The following SGCE variants were observed in gnomAD, a reference collection of about 807,000 sequenced individuals.
SGCE encodes sarcoglycan epsilon, also known as epsilon-sarcoglycan.
In SGCE, 26 loss-of-function variants were observed where a neutral mutation model predicts 57.8. That is an observed-to-expected ratio of 0.45 (90% CI 0.33 to 0.62). SGCE has a LOEUF of 0.62. Among genes scored for constraint, SGCE ranks in the 20% least tolerant of loss-of-function variants. The probability of loss-of-function intolerance (pLI) is 0.02; values close to 1 mark genes in which losing one functional copy is unlikely to be tolerated. For synonymous variants in SGCE, 183 were observed against 189.5 expected (o/e 0.97, Z 0.28); for missense variants, 468 against 548.6 (o/e 0.85, Z 1.47).
chr7:94,628,104 C>T, intron 3 of SGCE, 98 bp downstream of exon 3: 1 of 901,442 alleles, frequency 1.1e-6, no homozygotes, highest in Non-Finnish European at 1.8e-6. Context: ...CATCAGGTAA[C>T]TTTAGTTTCA....
At chr7:94,645,296 T>G (rs12704731) in intron 1 of SGCE, among the ~76,000 whole-genome samples, 19,462 of 152,202 alleles carry the variant, frequency 0.13, 1,502 homozygotes, top group South Asian at 0.25. Flanking sequence ...TTTTCATATA[T>G]AAAGCCAAAG....
chr7:94,628,166 A>G, intron 3 of SGCE, 36 bp downstream of exon 3: 1 of 1,531,642 alleles, frequency 6.5e-7, no homozygotes, highest in Non-Finnish European at 9.0e-7. Flanking sequence ...ACACACACAT[A>G]TATGTATAGT....
chr7:94,614,827 A>G (rs1801632639), intron 5 of SGCE, among the ~76,000 whole-genome samples: 1 of 152,158 alleles, frequency 6.6e-6, no homozygotes, highest in Admixed American at 6.5e-5. Flanking sequence ...AGACTAATAA[A>G]ATATTCTCCC....
At chr7:94,606,961 AG>A (rs886257390) in intron 5 of SGCE, among the ~76,000 whole-genome samples, 1 of 152,184 alleles carries the variant, frequency 6.6e-6, no homozygotes, top group Non-Finnish European at 1.5e-5. Context: ...ATTTGGCAAA[AG>A]CAATACTTAG....
intron 1 of SGCE, among the ~76,000 whole-genome samples, chr7:94,637,700 G>C (rs991570319): frequency 6.6e-6 from 1 of 151,946 alleles, no homozygotes; most frequent in Non-Finnish European, 1.5e-5. Flanking sequence ...TTTTGTTTTT[G>C]GAAATCAAAC....
chr7:94,639,259 G>A, intron 1 of SGCE: 1 of 870,122 alleles, frequency 1.1e-6, no homozygotes, highest in Non-Finnish European at 1.7e-6. Context: ...AGCCACACAT[G>A]ACTAAAAAAG....
intron 7 of SGCE, 60 bp downstream of exon 7, chr7:94,600,586 T>A: frequency 7.9e-7 from 1 of 1,268,376 alleles, no homozygotes; most frequent in African/African-American, 1.5e-5. Context: ...TTTAATGGAA[T>A]CTTCTATGTT....
At position 94,598,810 on chromosome 7, in the gene SGCE, A is replaced by G. The variant is rs1798789282; in HGVS notation, c.1218T>C (p.Tyr406=). The G allele has an allele frequency of 3.7e-6, 6 of 1,613,448 alleles. No individual in the cohort carries two copies. Among genetic ancestry groups the G allele is most frequent in the Middle Eastern group, 1.6e-4 (1 of 6,080 alleles). ...EIIPPLHTDN[Y]DSTNMPLMQT... is the part of the protein sequence containing the mutation. The stretch of plus-strand genomic sequence containing the variant: ...GCATCAATGGCATGTTTGTGCTATC[A>G]TAGTTGTCTGTGTGTAAAGGAGGTA... Residue 406 remains tyrosine (Y), a synonymous_variant, in exon 9 of 11, where the codon TAT becomes TAC. Coordinates refer to ENST00000648936, the MANE Select transcript of SGCE (RefSeq NM_003919.3).
At chr7:94,617,403 T>C (rs1381243156) in intron 5 of SGCE, 2 of 152,224 alleles carry the variant, frequency 1.3e-5, no homozygotes, top group Non-Finnish European at 2.9e-5. Context: ...TTGTGCTGTT[T>C]CCTCCAACAT....
chr7:94,624,347 C>A, intron 3 of SGCE: 1 of 396,436 alleles, frequency 2.5e-6, no homozygotes, highest in South Asian at 1.3e-4. Context: ...TTACATGTGT[C>A]AAAAAATAAG....
At chr7:94,619,098 C>T (rs1802373797) in intron 4 of SGCE, 142 bp from the exon 5 acceptor site, 1 of 680,588 alleles carries the variant, frequency 1.5e-6, no homozygotes, top group African/African-American at 1.8e-5. Context: ...TAAAGGCTTT[C>T]TGTTTAACAG....
intron 1 of SGCE, among the ~76,000 whole-genome samples, chr7:94,640,608 T>A (rs1293875783): frequency 6.6e-6 from 1 of 152,130 alleles, no homozygotes; most frequent in Non-Finnish European, 1.5e-5. Flanking sequence ...GAACTGCCCA[T>A]GGGATTTGTC....
At chr7:94,586,215 A>G (rs985301135) in intron 10 of SGCE, among the ~76,000 whole-genome samples, 1 of 152,138 alleles carries the variant, frequency 6.6e-6, no homozygotes, top group Admixed American at 6.6e-5. Flanking sequence ...ACATGTGCAT[A>G]ATGTTCTGTG....
chr7:94,587,342 A>G (rs997984549), intron 10 of SGCE: 2 of 1,013,246 alleles, frequency 2.0e-6, no homozygotes, highest in African/African-American at 3.4e-5. Context: ...GGATTTTTAA[A>G]TACTCAAAAT....
intron 1 of SGCE, among the ~76,000 whole-genome samples, chr7:94,637,478 T>C (rs1805755608): frequency 6.6e-6 from 1 of 152,202 alleles, no homozygotes; most frequent in Non-Finnish European, 1.5e-5. Context: ...GGAGGGATCA[T>C]TTCTATTCTG....
chr7:94,625,223 ATAT>A (rs1010773851), intron 3 of SGCE: 8 of 152,130 alleles, frequency 5.3e-5, no homozygotes, highest in African/African-American at 1.7e-4. Flanking sequence ...ATATGATTAA[ATAT>A]TATATATTTA....
At chr7:94,644,606 C>T in intron 1 of SGCE, 1 of 1,271,482 alleles carries the variant, frequency 7.9e-7, no homozygotes, top group Non-Finnish European at 1.0e-6. Context: ...TCATACTCAC[C>T]TTAAAAGCAA....
intron 9 of SGCE, among the ~76,000 whole-genome samples, chr7:94,593,838 CCTT>C (rs1798024369): frequency 6.6e-6 from 1 of 152,026 alleles, no homozygotes; most frequent in South Asian, 2.1e-4. Context: ...GAATAACAAC[CCTT>C]CTTACTCAGA....
Position 94,655,939 on chromosome 7 carries a change from G to A in SGCE, c.109+51C>T, listed in dbSNP as rs898604636. ...CCGGAACCCGAGCGGGGGAGGGGGAGGCGGCGGCCTGTTGGCCCCGGGACC... is the reference window on the plus strand; with the variant it reads ...CCGGAACCCGAGCGGGGGAGGGGGAAGCGGCGGCCTGTTGGCCCCGGGACC... On this transcript the variant is annotated intron_variant, in intron 1 of 10. Coordinates refer to ENST00000648936, the MANE Select transcript of SGCE (RefSeq NM_003919.3). The A allele has an allele frequency of 1.1e-5, 13 of 1,198,938 alleles. No individual in the cohort carries two copies. The African/African-American group carries it at 1.8e-4, about 16-fold the overall frequency. 74.3% of individuals were successfully genotyped at this position (1,198,938 alleles called of 1,614,324 possible). A position where few individuals can be genotyped will look rare whatever the true frequency, so the allele number is the denominator to read the frequency against.
Sources: allele counts gnomAD v4.1 joint callset (sites outside exome capture counted in the v4.1 genomes callset), GRCh38; gene constraint gnomAD v4.1.1; transcripts MANE v1.5; gene names NCBI Gene and HGNC (gene_info 2026-07-23, HGNC 2026-07-21).